Variants in MEG3 observed in about 807,000 individuals in gnomAD.
MEG3 encodes maternally expressed 3, also known as Very putative protein from MEG3 locus.
At chr14:100,843,126 A>T (rs1397421742) in intron 2 of MEG3, among the ~76,000 whole-genome samples, 1 of 152,186 alleles carries the variant, frequency 6.6e-6, no homozygotes, top group Non-Finnish European at 1.5e-5. Context: ...CACAAGAGTT[A>T]ATTAAGGACG....
intron 3 of MEG3, chr14:100,849,047 C>G (rs1413751082): frequency 6.6e-6 from 1 of 152,126 alleles, no homozygotes; most frequent in Non-Finnish European, 1.5e-5. Context: ...TTTCACTATC[C>G]TGTGCACTCA....
At chr14:100,854,435 T>G (rs2038177578), upstream of MEG3, 2 of 152,030 alleles carry the variant, frequency 1.3e-5, no homozygotes, top group Admixed American at 6.6e-5. Flanking sequence ...GAGAAAGTAG[T>G]GTTTAGGAGA....
At chr14:100,843,117 A>G (rs1353094119) in intron 2 of MEG3, among the ~76,000 whole-genome samples, 3 of 152,236 alleles carry the variant, frequency 2.0e-5, no homozygotes, top group South Asian at 4.1e-4. Context: ...CGGTCTGCAC[A>G]CAAGAGTTAA....
chr14:100,849,434 T>C (rs764807699), intron 3 of MEG3: 9 of 152,114 alleles, frequency 5.9e-5, no homozygotes, highest in Non-Finnish European at 8.8e-5. Flanking sequence ...AATGGACACA[T>C]GAACGACTGA....
At position 100,845,424 on chromosome 14, in the gene MEG3, T is replaced by G. The variant is rs1449104739; in HGVS notation, n.3046-34T>G. 3 of 454,856 alleles carry G rather than the reference T, an allele frequency of 6.6e-6. No homozygotes were observed. Among genetic ancestry groups the G allele is most frequent in the Admixed American group, 4.7e-5 (2 of 42,374 alleles). The allele number at this position is 454,856 out of a possible 1,614,324, so 28.2% of individuals were successfully genotyped here. A position where few individuals can be genotyped will look rare whatever the true frequency, so the allele number is the denominator to read the frequency against. On this transcript the variant is annotated intron_variant and non_coding_transcript_variant, in intron 2 of 3. Coordinates refer to the MEG3 transcript ENST00000398461. The surrounding 1 kb of genome is among the most constrained non-coding windows in gnomAD (Gnocchi z 5.2). Reference sequence around the variant, plus strand: ...CTCCTCCTCGCCGGCCTGAGTGAGGTTCTACTCTGTGACCTAGTGCCTTCT... The same window carrying G: ...CTCCTCCTCGCCGGCCTGAGTGAGGGTCTACTCTGTGACCTAGTGCCTTCT...
intron 2 of MEG3, among the ~76,000 whole-genome samples, chr14:100,840,886 G>A (rs189144604): frequency 9.2e-5 from 14 of 152,330 alleles, no homozygotes; most frequent in Non-Finnish European, 1.6e-4. Context: ...TGTCTGCGCC[G>A]GCCTCCGCGC....
chr14:100,846,127 G>C (rs890591711), intron 3 of MEG3: 4 of 152,216 alleles, frequency 2.6e-5, no homozygotes, highest in African/African-American at 9.6e-5. Flanking sequence ...TTTTGTATTT[G>C]CCTTGAAAGG....
At chr14:100,857,339 C>G (rs564709323) in exon 1 of MEG3, 2 of 152,288 alleles carry the variant, frequency 1.3e-5, no homozygotes, top group South Asian at 4.1e-4. Flanking sequence ...TTTCTCTAAG[C>G]CATAGGTCAC....
chr14:100,841,108 C>T (rs1425952108), intron 2 of MEG3, among the ~76,000 whole-genome samples: 5 of 152,152 alleles, frequency 3.3e-5, no homozygotes, highest in South Asian at 4.1e-4. Context: ...CAGGTTAGAG[C>T]GAAGCTGTTT....
chr14:100,854,970 G>A (rs1305627863), upstream of MEG3: 1 of 152,566 alleles, frequency 6.6e-6, no homozygotes, highest in Non-Finnish European at 1.5e-5. Flanking sequence ...CGGAATAAAG[G>A]GCATGTTCTG....
chr14:100,859,193 G>C (rs1381997264), exon 1 of MEG3: 1 of 152,314 alleles, frequency 6.6e-6, no homozygotes, highest in African/African-American at 2.4e-5. Context: ...GGGCTGTTTG[G>C]CTAGCGTACG....
In MEG3 at chr14:100,838,521, A is replaced by G. The variant is rs150181964; in HGVS notation, n.3045+2221A>G. ...AGTGCTGAAAGACATGATCATTTTCAGGAAAATTCTATTTTGATGGATTGG... is the reference window on the plus strand; with the variant it reads ...AGTGCTGAAAGACATGATCATTTTCGGGAAAATTCTATTTTGATGGATTGG... On this transcript the variant is annotated intron_variant and non_coding_transcript_variant, in intron 2 of 3. Coordinates refer to the MEG3 transcript ENST00000398461. 4.2e-3 allele frequency among the ~76,000 whole-genome samples: 634 copies of G among 152,378 alleles called. 20 individuals are homozygous for G. The highest frequency in any genetic ancestry group is 0.032 in the Admixed American group (487 of 15,308).
chr14:100,830,659 G>C (rs1397237336), downstream of MEG3: 1 of 152,206 alleles, frequency 6.6e-6, no homozygotes, highest in African/African-American at 2.4e-5. Flanking sequence ...CAGTGCACCA[G>C]GCTAGGTATC....
intron 1 of MEG3, chr14:100,860,485 G>A (rs1003714346): frequency 2.7e-6 from 1 of 372,890 alleles, no homozygotes; most frequent in African/African-American, 2.1e-5. Context: ...GGTAGGGCAG[G>A]GTACGCCAGA....
At chr14:100,838,410 C>T (rs1318722812) in intron 2 of MEG3, among the ~76,000 whole-genome samples, 1 of 152,164 alleles carries the variant, frequency 6.6e-6, no homozygotes, top group Non-Finnish European at 1.5e-5. Flanking sequence ...AAATATGCCA[C>T]GTTCTCAATG....
intron 2 of MEG3, among the ~76,000 whole-genome samples, chr14:100,838,964 A>C (rs1432910585): frequency 1.3e-5 from 2 of 152,162 alleles, no homozygotes; most frequent in Admixed American, 6.5e-5. Flanking sequence ...TTCCAAGTAC[A>C]TTTCTCCAAA....
At chr14:100,831,728 C>A (rs1007102979), downstream of MEG3, 1 of 152,166 alleles carries the variant, frequency 6.6e-6, no homozygotes, top group Admixed American at 6.5e-5. Context: ...CCAGGTCTCT[C>A]GACTTCTGGA....
At chr14:100,835,958 C>T (rs4378559) in intron 1 of MEG3, 77,200 of 330,510 alleles carry the variant, frequency 0.23, 9,736 homozygotes, top group Admixed American at 0.32. Flanking sequence ...GTCCCTTGCT[C>T]CCCACTCAGT....
intron 1 of MEG3, chr14:100,860,729 G>T: frequency 2.2e-6 from 1 of 456,482 alleles, no homozygotes; most frequent in Non-Finnish European, 4.4e-6. Context: ...CTATTCCCAC[G>T]GGACAGGCTG....
Sources: gnomAD v4.1 joint callset for allele counts (sites outside exome capture counted in the v4.1 genomes callset) on GRCh38, gnomAD v4.1.1 for gene constraint, Gnocchi (gnomAD v3.1) non-coding constraint, MANE v1.5 for transcripts, NCBI Gene and HGNC (gene_info 2026-07-23, HGNC 2026-07-21) for gene names.